LAMA5: variants seen among roughly 807,000 people sequenced by gnomAD.
LAMA5 encodes the protein laminin subunit alpha-5.
In LAMA5, 260 loss-of-function variants were observed where a neutral mutation model predicts 433.4. The ratio of observed to expected loss-of-function variants is 0.60; its 90% confidence interval spans 0.54 to 0.66. The LOEUF (loss-of-function observed/expected upper bound fraction) is 0.66, where lower values mean the gene tolerates loss of function less well. Among genes scored for constraint, LAMA5 ranks in the 30% least tolerant of loss-of-function variants. The pLI is 0.00. For synonymous variants in LAMA5, 2,620 were observed against 2,226.6 expected (o/e 1.18, Z -4.97); for missense variants, 5,378 against 5,258.5 (o/e 1.02, Z -0.70).
At position 62,322,855 on chromosome 20, in the gene LAMA5, G is replaced by A. The variant is rs2146127297; in HGVS notation, c.6065-97C>T. 3 of 797,618 alleles carry A rather than the reference G, an allele frequency of 3.8e-6. No individual in the cohort carries two copies. The South Asian group carries it at 5.8e-5, about 15-fold the overall frequency. The allele number at this position is 797,618 out of a possible 1,614,324, so 49.4% of individuals were successfully genotyped here. A position where few individuals can be genotyped will look rare whatever the true frequency, so the allele number is the denominator to read the frequency against. On this transcript the variant is annotated intron_variant, in intron 45 of 79. Coordinates refer to ENST00000252999, the MANE Select transcript of LAMA5 (RefSeq NM_005560.6). ...AGCCCTCACTTCACTGCCTCCTGCTGTGTCTCCTCCAGGCCGCCCGGACCA... is the reference window on the plus strand; with the variant it reads ...AGCCCTCACTTCACTGCCTCCTGCTATGTCTCCTCCAGGCCGCCCGGACCA...
rs908695851 is a variant in LAMA5 at position 62,359,947 on chromosome 20, C to G, written c.450+2453G>C. ...GCCCAGTGCCAGCCGCCCCCACCCC[C>G]GTCCCAGGGCATCCGCTCCAGATCC... On this transcript the variant is annotated intron_variant, in intron 2 of 79. Transcript: ENST00000252999. This position sits in a 1 kb window ranked among gnomAD's most constrained non-coding sequence, Gnocchi z 4.3. 1.3e-5 allele frequency among the ~76,000 whole-genome samples: 2 copies of G among 151,638 alleles called. No individual in the cohort carries two copies. Among genetic ancestry groups the G allele is most frequent in the Non-Finnish European group, 2.9e-5 (2 of 67,808 alleles).
intron 78 of LAMA5, 68 bp downstream of exon 78, chr20:62,309,920 C>T (rs1464403450): frequency 2.9e-5 from 46 of 1,605,610 alleles, no homozygotes; most frequent in Non-Finnish European, 3.1e-5. Context: ...CACCCAGAGT[C>T]CCGCCTGGCT....
At chr20:62,358,180 C>T (rs189880606) in intron 2 of LAMA5, among the ~76,000 whole-genome samples, 9,643 of 152,192 alleles carry the variant, frequency 0.063, 344 homozygotes, top group South Asian at 0.16. Context: ...AAGCATGGCG[C>T]GGGGGTGCGG....
intron 11 of LAMA5, among the ~76,000 whole-genome samples, chr20:62,344,524 T>A (rs989517883): frequency 2.6e-5 from 4 of 151,966 alleles, no homozygotes; most frequent in African/African-American, 9.7e-5. Flanking sequence ...TGATGGTGGT[T>A]CTCAGCTCAC....
In LAMA5 at chr20:62,335,250, C is replaced by T. The variant is rs1327455336; in HGVS notation, c.2343G>A (p.Arg781=). ...ACTCAGCAACTCCACCCAGTGTGCC[C>T]CTGAGGTCGCAGCTGCAGCCTGGGG... is the stretch of plus-strand genomic sequence containing the variant. ...EGCTRCSCDL[R]GTLGGVAECQ... is the part of the protein sequence containing the mutation. The change falls in exon 19 of 80, where the codon AGG becomes AGA. Residue 781 remains arginine, a synonymous_variant. Coordinates refer to ENST00000252999, the MANE Select transcript of LAMA5 (RefSeq NM_005560.6). 1.2e-6 allele frequency: 2 copies of T among 1,612,336 alleles called. No individual in the cohort carries two copies. The highest frequency in any genetic ancestry group is 3.3e-5 in the Admixed American group (2 of 59,936).
At chr20:62,337,374 C>T (rs532710933) in intron 16 of LAMA5, among the ~76,000 whole-genome samples, 22 of 152,360 alleles carry the variant, frequency 1.4e-4, no homozygotes, top group African/African-American at 5.1e-4. Flanking sequence ...ATACGAGACA[C>T]GACAGGCGCG....
At position 62,310,176 on chromosome 20, in the gene LAMA5, A is replaced by G. The variant is rs1204123085; in HGVS notation, c.10734+2T>C. On this transcript the variant is annotated splice_donor_variant, in intron 77 of 79. Transcript: ENST00000252999. LOFTEE classifies it high-confidence loss of function. Reference sequence around the variant, plus strand: ...CTGGCACGCCACCTCTGCCAGGCTTACTTGCTTCTCGGTCACCTGCAACTG... The same window carrying G: ...CTGGCACGCCACCTCTGCCAGGCTTGCTTGCTTCTCGGTCACCTGCAACTG... The G allele has an allele frequency of 6.2e-7, 1 of 1,612,370 alleles. No individual in the cohort carries two copies. Among genetic ancestry groups the G allele is most frequent in the East Asian group, 2.2e-5 (1 of 44,878 alleles).
At chr20:62,327,719 C>G in intron 36 of LAMA5, 50 bp from the exon 37 acceptor site, 1 of 1,600,136 alleles carries the variant, frequency 6.2e-7, no homozygotes, top group Non-Finnish European at 8.5e-7. Flanking sequence ...AGGTGCCTGA[C>G]CCCGGGTTCC....
intron 79 of LAMA5, 38 bp from the exon 80 acceptor site, chr20:62,309,513 G>T: frequency 1.3e-6 from 2 of 1,517,070 alleles, no homozygotes; most frequent in Non-Finnish European, 1.8e-6. Context: ...GCTGGTTGGT[G>T]GGCAGCTAGA....
In LAMA5 at chr20:62,310,589, G is replaced by A; in HGVS notation, c.10447-17C>T. On this transcript the variant is annotated splice_polypyrimidine_tract_variant and intron_variant, in intron 75 of 79. Coordinates refer to ENST00000252999, the MANE Select transcript of LAMA5 (RefSeq NM_005560.6). ...GACGGTCACCTATAGGAGCAGACCGGGCAGGGATCAGGGCCCAGGGCAGCT... is the reference window on the plus strand; with the variant it reads ...GACGGTCACCTATAGGAGCAGACCGAGCAGGGATCAGGGCCCAGGGCAGCT... The A allele has an allele frequency of 1.3e-6, 2 of 1,567,594 alleles. No individual in the cohort carries two copies. Among genetic ancestry groups the A allele is most frequent in the Non-Finnish European group, 1.7e-6 (2 of 1,161,118 alleles).
Position 62,337,927 on chromosome 20 carries a change from C to T in LAMA5, c.1903G>A (p.Asp635Asn), listed in dbSNP as rs199759497. Reference sequence around the variant, plus strand: ...AGCTGGTCCAGGGCTCCCCGAGGGTCGCAGGTGCATGCTGCAGAGGGACAA... The same window carrying T: ...AGCTGGTCCAGGGCTCCCCGAGGGTTGCAGGTGCATGCTGCAGAGGGACAA... ...GFPNCQACTC[D>N]PRGALDQLCG... Residue 635 changes from aspartate (D) to asparagine (N), a missense_variant, in exon 15 of 80, where the codon GAC becomes AAC. Transcript: ENST00000252999. 732 of 1,609,856 alleles carry T rather than the reference C, an allele frequency of 4.5e-4. No individual in the cohort carries two copies. Among genetic ancestry groups the T allele is most frequent in the Non-Finnish European group, 5.6e-4 (660 of 1,178,590 alleles).
Position 62,351,732 on chromosome 20 carries a change from C to A in LAMA5, c.928G>T (p.Asp310Tyr), listed in dbSNP as rs370325282. 3 of 1,611,838 alleles carry A rather than the reference C, an allele frequency of 1.9e-6. No homozygotes were observed. Among genetic ancestry groups the A allele is most frequent in the African/African-American group, 2.7e-5 (2 of 74,918 alleles). ...CVCHGHADAC[D>Y]AKDPTDPFRL... ...AACGGGTCCGTGGGGTCTTTGGCAT[C>A]GCAGGCATCCGCGTGGCCGTGGCAG... Residue 310 changes from aspartate to tyrosine, a missense_variant, in exon 6 of 80, where the codon GAT becomes TAT. Transcript: ENST00000252999.
intron 11 of LAMA5, among the ~76,000 whole-genome samples, chr20:62,341,363 G>A (rs1403228387): frequency 6.6e-6 from 1 of 152,172 alleles, no homozygotes; most frequent in South Asian, 2.1e-4. Context: ...ATACTCTGAG[G>A]AAAATTTATA....
intron 11 of LAMA5, 37 bp downstream of exon 11, chr20:62,345,781 G>A: frequency 1.3e-6 from 2 of 1,490,674 alleles, no homozygotes; most frequent in Non-Finnish European, 1.8e-6. Context: ...ATGGCTCCAG[G>A]GCAGGCCGGG....
chr20:62,349,012 G>A (rs1321570644), intron 6 of LAMA5, among the ~76,000 whole-genome samples: 2 of 152,152 alleles, frequency 1.3e-5, no homozygotes, highest in Non-Finnish European at 2.9e-5. Flanking sequence ...GCTCACACCT[G>A]TAATCCCAGC....
At chr20:62,365,355 C>T (rs998966200) in intron 1 of LAMA5, among the ~76,000 whole-genome samples, 3 of 152,228 alleles carry the variant, frequency 2.0e-5, no homozygotes, top group African/African-American at 7.2e-5. Context: ...TTGAGGCTGA[C>T]AGAGGGAAGC....
chr20:62,325,915 G>T (rs1979203642), intron 40 of LAMA5, among the ~76,000 whole-genome samples: 1 of 152,194 alleles, frequency 6.6e-6, no homozygotes, highest in South Asian at 2.1e-4. Context: ...TTAACTATAA[G>T]GCCGTTCATC....
At chr20:62,360,998 C>T (rs6061491) in intron 2 of LAMA5, among the ~76,000 whole-genome samples, 6 of 152,136 alleles carry the variant, frequency 3.9e-5, no homozygotes, top group Admixed American at 6.5e-5. Context: ...CTGGGGTTGC[C>T]GTGGAGACTG....
intron 3 of LAMA5, among the ~76,000 whole-genome samples, chr20:62,352,618 GA>G (rs1984531701): frequency 6.6e-6 from 1 of 151,792 alleles, no homozygotes. Flanking sequence ...CTTGGGGACA[GA>G]CGCCTACTGC....
Sources: gnomAD v4.1 joint callset for allele counts (sites outside exome capture counted in the v4.1 genomes callset) on GRCh38, gnomAD v4.1.1 for gene constraint, Gnocchi (gnomAD v3.1) non-coding constraint, MANE v1.5 for transcripts, NCBI Gene and HGNC (gene_info 2026-07-23, HGNC 2026-07-21) for gene names.